PLPPR1: variants seen among roughly 807,000 people sequenced by gnomAD.
PLPPR1 encodes the protein phospholipid phosphatase-related protein type 1.
PLPPR1 carries 10 observed loss-of-function variants against 33.1 expected under a neutral mutation model. The ratio of observed to expected loss-of-function variants is 0.30; its 90% CI spans 0.19 to 0.51. The LOEUF (loss-of-function observed/expected upper bound fraction) is 0.51. PLPPR1 is among the 20% of genes least tolerant of loss of function. The probability of loss-of-function intolerance (pLI) is 0.97; values close to 1 mark genes in which losing one functional copy is unlikely to be tolerated. For synonymous variants in PLPPR1, 151 were observed against 151.0 expected, an observed-to-expected ratio of 1.00 and a Z score of 0.00; for missense variants, 304 against 408.1, an observed-to-expected ratio of 0.74 and a Z score of 2.20.
intron 5 of PLPPR1, among the ~76,000 whole-genome samples, chr9:101,310,250 A>G (rs1352917578): frequency 6.6e-6 from 1 of 152,206 alleles, no homozygotes; most frequent in Non-Finnish European, 1.5e-5. Context: ...GAATATAGAC[A>G]TGCAGAGATC....
intron 3 of PLPPR1, among the ~76,000 whole-genome samples, chr9:101,282,658 C>A (rs1564026084): frequency 6.6e-6 from 1 of 152,092 alleles, no homozygotes; most frequent in Non-Finnish European, 1.5e-5. Context: ...ACAGAAAACC[C>A]TGAAGACTCT....
intron 1 of PLPPR1, among the ~76,000 whole-genome samples, chr9:101,094,467 T>C (rs981661765): frequency 6.6e-6 from 1 of 152,110 alleles, no homozygotes; most frequent in Admixed American, 6.6e-5. Flanking sequence ...ACCAAACCCA[T>C]GCATAATTAG....
At chr9:101,272,946 A>G (rs1006550122) in intron 3 of PLPPR1, among the ~76,000 whole-genome samples, 1 of 152,226 alleles carries the variant, frequency 6.6e-6, no homozygotes, top group African/African-American at 2.4e-5. Context: ...AAAGATTTGT[A>G]TATAGGGATG....
chr9:101,133,289 T>C (rs1831336263), intron 1 of PLPPR1, among the ~76,000 whole-genome samples: 1 of 152,142 alleles, frequency 6.6e-6, no homozygotes. Flanking sequence ...GGGAAGAATA[T>C]AGATCTAATT....
intron 1 of PLPPR1, among the ~76,000 whole-genome samples, chr9:101,153,336 C>A (rs1481840343): frequency 1.3e-5 from 2 of 152,180 alleles, no homozygotes; most frequent in Non-Finnish European, 2.9e-5. Context: ...ATGTCATCTG[C>A]AAACAGGGAC....
intron 2 of PLPPR1, among the ~76,000 whole-genome samples, chr9:101,268,391 T>A (rs1338952442): frequency 6.6e-6 from 1 of 152,114 alleles, no homozygotes; most frequent in East Asian, 1.9e-4. Context: ...TGGTTTATAG[T>A]GGGGCAGAGG....
chr9:101,081,915 A>C (rs565876555), intron 1 of PLPPR1, among the ~76,000 whole-genome samples: 5 of 152,156 alleles, frequency 3.3e-5, no homozygotes, highest in African/African-American at 7.2e-5. Flanking sequence ...AAGGCACAAC[A>C]ATTGGTGCAA....
At chr9:101,154,156 T>A (rs1831640929) in intron 1 of PLPPR1, among the ~76,000 whole-genome samples, 1 of 152,240 alleles carries the variant, frequency 6.6e-6, no homozygotes, top group Non-Finnish European at 1.5e-5. Flanking sequence ...ATCAGGGATA[T>A]TGGTCTAAAA....
intron 1 of PLPPR1, among the ~76,000 whole-genome samples, chr9:101,044,565 T>C (rs2118428103): frequency 6.6e-6 from 1 of 152,238 alleles, no homozygotes; most frequent in Non-Finnish European, 1.5e-5. Flanking sequence ...TATTGGAGGG[T>C]AAATTTTAAA....
intron 1 of PLPPR1, among the ~76,000 whole-genome samples, chr9:101,051,323 C>A (rs1340194574): frequency 6.6e-6 from 1 of 152,022 alleles, no homozygotes; most frequent in Non-Finnish European, 1.5e-5. Flanking sequence ...CTCTCTCTGT[C>A]TCTCTCTTGC....
intron 1 of PLPPR1, among the ~76,000 whole-genome samples, chr9:101,101,684 G>A (rs1197897747): frequency 6.6e-6 from 1 of 152,112 alleles, no homozygotes; most frequent in South Asian, 2.1e-4. Flanking sequence ...AGATATCAAT[G>A]GACCATATGG....
At chr9:101,277,986 C>T (rs763141832) in intron 3 of PLPPR1, among the ~76,000 whole-genome samples, 2 of 152,146 alleles carry the variant, frequency 1.3e-5, no homozygotes, top group Admixed American at 6.5e-5. Flanking sequence ...CAAAATCACA[C>T]ATCAATAAAG....
intron 2 of PLPPR1, among the ~76,000 whole-genome samples, chr9:101,215,763 T>G (rs2567313): frequency 0.56 from 85,121 of 151,926 alleles, 25,073 homozygotes; most frequent in East Asian, 0.91. Flanking sequence ...GTGCCTGGCT[T>G]ATTTCACTTC....
chr9:101,291,435 A>G (rs1828505125), intron 4 of PLPPR1, among the ~76,000 whole-genome samples: 1 of 152,188 alleles, frequency 6.6e-6, no homozygotes, highest in Admixed American at 6.5e-5. Context: ...TGAAAAGAGC[A>G]GTGGTTCTCC....
chr9:101,298,628 T>TG (rs1206896897), intron 4 of PLPPR1, among the ~76,000 whole-genome samples: 2 of 152,136 alleles, frequency 1.3e-5, no homozygotes, highest in African/African-American at 2.4e-5. Flanking sequence ...AAAATACAGC[T>TG]GGGGGGCCGG....
chr9:101,220,546 C>G (rs1407175123), intron 2 of PLPPR1, among the ~76,000 whole-genome samples: 1 of 152,196 alleles, frequency 6.6e-6, no homozygotes, highest in Non-Finnish European at 1.5e-5. Context: ...TTTATCCTCT[C>G]ACACTCCTCC....
intron 1 of PLPPR1, among the ~76,000 whole-genome samples, chr9:101,056,856 C>T (rs1489070628): frequency 6.6e-6 from 1 of 152,028 alleles, no homozygotes; most frequent in African/African-American, 2.4e-5. Flanking sequence ...ATGGAGTGGA[C>T]TGAAGTATGA....
At chr9:101,167,735 A>C (rs1201201897) in intron 1 of PLPPR1, among the ~76,000 whole-genome samples, 1 of 152,180 alleles carries the variant, frequency 6.6e-6, no homozygotes, top group East Asian at 1.9e-4. Flanking sequence ...CCAGATTCAA[A>C]CAAGAGCTTC....
intron 7 of PLPPR1, among the ~76,000 whole-genome samples, chr9:101,317,962 T>C (rs547021461): frequency 6.6e-6 from 1 of 152,364 alleles, no homozygotes; most frequent in East Asian, 1.9e-4. Context: ...CCTCCTGATC[T>C]GTTACTCTAC....
Sources: gnomAD v4.1 joint callset for allele counts (sites outside exome capture counted in the v4.1 genomes callset) on GRCh38, gnomAD v4.1.1 for gene constraint, MANE v1.5 for transcripts, NCBI Gene and HGNC (gene_info 2026-07-23, HGNC 2026-07-21) for gene names.